The following AVL9 variants were observed in gnomAD, a reference collection of about 807,000 sequenced individuals.
The protein encoded by AVL9 is AVL9 cell migration associated.
A neutral mutation model predicts 79.2 loss-of-function variants in AVL9; 49 were observed. The ratio of observed to expected loss-of-function variants is 0.62; its 90% CI spans 0.49 to 0.79. The LOEUF is 0.79. Ranked by LOEUF, AVL9 falls within the 30% of genes least tolerant of loss-of-function variation. The probability of loss-of-function intolerance (pLI) is 0.00; values close to 1 mark genes in which losing one functional copy is unlikely to be tolerated. For missense variants in AVL9, 682 were observed against 776.8 expected, an observed-to-expected ratio of 0.88 and a Z score of 1.45; for synonymous variants, 299 against 280.6, an observed-to-expected ratio of 1.07 and a Z score of -0.65.
chr7:32,581,488 G>A lies in AVL9; in HGVS notation c.1831+598G>A, dbSNP rs533489628. Reference sequence around the variant, plus strand: ...AATATACAAATTTTTTTAAAGATTCGCATTACCAACACAGTTGCAAAAAGA... The same window carrying A: ...AATATACAAATTTTTTTAAAGATTCACATTACCAACACAGTTGCAAAAAGA... On this transcript the variant is annotated intron_variant, in intron 15 of 15. Coordinates refer to ENST00000318709, the MANE Select transcript of AVL9 (RefSeq NM_015060.3). The A allele has an allele frequency of 1.4e-4, 22 of 152,154 alleles. No individual in the cohort carries two copies. In the South Asian group the frequency reaches 3.5e-3, roughly 24 times the overall value. The allele number at this position is 152,154 out of a possible 1,614,324, so 9.4% of individuals were successfully genotyped here.
chr7:32,539,427 A>C (rs941638241), intron 1 of AVL9, among the ~76,000 whole-genome samples: 1 of 148,366 alleles, frequency 6.7e-6, no homozygotes, highest in African/African-American at 2.5e-5. Flanking sequence ...GTACTGGGAC[A>C]TTTCCATAAG....
chr7:32,568,536 T>C (rs1186920835), intron 10 of AVL9, among the ~76,000 whole-genome samples: 1 of 152,214 alleles, frequency 6.6e-6, no homozygotes, highest in African/African-American at 2.4e-5. Flanking sequence ...CATCACTGTT[T>C]ATGGCTGCAG....
chr7:32,558,186 G>A (rs1052627792), intron 8 of AVL9, among the ~76,000 whole-genome samples: 4 of 148,526 alleles, frequency 2.7e-5, no homozygotes, highest in Admixed American at 2.0e-4. Flanking sequence ...ATGAGACAGA[G>A]TCTCGCTCTC....
In AVL9 at chr7:32,573,335, CG is replaced by C. The variant is rs1256615966; in HGVS notation, c.1490del (p.Gly497AlafsTer27). 4 of 1,613,682 alleles carry C rather than the reference CG, an allele frequency of 2.5e-6. No homozygotes were observed. Among genetic ancestry groups the C allele is most frequent in the Non-Finnish European group, 2.5e-6 (3 of 1,179,970 alleles). The part of the protein sequence containing the change: ...ENRDDVFLDG[T>X]GWEGGDEWIR... ...CGGGATGACGTCTTCCTAGATGGCACGGGCTGGGAGGGAGGTGACGAATGGA... is the reference window on the plus strand; with the variant it reads ...CGGGATGACGTCTTCCTAGATGGCACGGCTGGGAGGGAGGTGACGAATGGA... On this transcript the variant is annotated frameshift_variant, in exon 12 of 16. Coordinates refer to ENST00000318709, the MANE Select transcript of AVL9 (RefSeq NM_015060.3). LOFTEE classifies it high-confidence loss of function.
At chr7:32,542,412 C>T (rs555756175) in intron 1 of AVL9, among the ~76,000 whole-genome samples, 1 of 149,718 alleles carries the variant, frequency 6.7e-6, no homozygotes, top group Admixed American at 6.6e-5. Flanking sequence ...AAAAATTAGC[C>T]GAGCGTGGTG....
intron 1 of AVL9, among the ~76,000 whole-genome samples, chr7:32,521,677 C>A (rs960353525): frequency 1.3e-5 from 2 of 152,334 alleles, no homozygotes; most frequent in African/African-American, 4.8e-5. Context: ...GGGAGAGATT[C>A]AAGCCAGCTG....
chr7:32,549,704 G>A (rs1789712205), intron 4 of AVL9, among the ~76,000 whole-genome samples: 1 of 151,630 alleles, frequency 6.6e-6, no homozygotes, highest in African/African-American at 2.4e-5. Flanking sequence ...CATGAGGTCA[G>A]GAGTTTGAGA....
At chr7:32,497,294 G>T (rs985365491) in intron 1 of AVL9, among the ~76,000 whole-genome samples, 45 of 151,924 alleles carry the variant, frequency 3.0e-4, no homozygotes, top group African/African-American at 9.4e-4. Flanking sequence ...GGCAGAGGTT[G>T]CTGTGAGCCG....
intron 13 of AVL9, among the ~76,000 whole-genome samples, chr7:32,579,300 T>C (rs1433441708): frequency 1.3e-5 from 1 of 74,466 alleles, no homozygotes; most frequent in African/African-American, 6.6e-5. Context: ...ATGTATTATA[T>C]ATATTATATA....
chr7:32,570,361 T>C (rs914740887), intron 11 of AVL9, among the ~76,000 whole-genome samples: 8 of 152,206 alleles, frequency 5.3e-5, no homozygotes, highest in Non-Finnish European at 8.8e-5. Flanking sequence ...ATTTTATACC[T>C]GCAGAGGCTA....
chr7:32,552,864 A>G (rs1315320776), intron 6 of AVL9, among the ~76,000 whole-genome samples: 4 of 152,080 alleles, frequency 2.6e-5, no homozygotes, highest in East Asian at 1.9e-4. Context: ...TTAATTCCCT[A>G]TCATAACAGA....
intron 1 of AVL9, chr7:32,537,025 T>C (rs1379719087): frequency 6.6e-6 from 1 of 152,192 alleles, no homozygotes; most frequent in Non-Finnish European, 1.5e-5. Context: ...TTTCATTACA[T>C]AGGCGTGATT....
At chr7:32,525,872 T>G (rs546530854) in intron 1 of AVL9, among the ~76,000 whole-genome samples, 2 of 152,320 alleles carry the variant, frequency 1.3e-5, no homozygotes, top group South Asian at 4.1e-4. Flanking sequence ...AAAACTGTTT[T>G]TGGGGGGGAA....
chr7:32,495,882 C>T (rs1786778193), intron 1 of AVL9, 80 bp downstream of exon 1: 1 of 949,540 alleles, frequency 1.1e-6, no homozygotes, highest in South Asian at 5.1e-5. Context: ...CTTCTGTGTG[C>T]TCAGCTCGCG....
In AVL9 at chr7:32,495,673, C is replaced by A; in HGVS notation, c.-37C>A. 1 of 1,234,786 alleles carries A rather than the reference C, an allele frequency of 8.1e-7. No individual in the cohort carries two copies. The highest frequency in any genetic ancestry group is 1.0e-6 in the Non-Finnish European group (1 of 973,092). 76.5% of individuals were successfully genotyped at this position (1,234,786 alleles called of 1,614,324 possible). A position where few individuals can be genotyped will look rare whatever the true frequency, so the allele number is the denominator to read the frequency against. On this transcript the variant is annotated 5_prime_UTR_variant, in exon 1 of 16. Coordinates refer to ENST00000318709, the MANE Select transcript of AVL9 (RefSeq NM_015060.3). Reference sequence around the variant, plus strand: ...GGGTCGTCAGACCCGCTGCCCTTGGCGGTCGAAGTCGTCGTGCGGGCCCGC... The same window carrying A: ...GGGTCGTCAGACCCGCTGCCCTTGGAGGTCGAAGTCGTCGTGCGGGCCCGC...
At position 32,573,350 on chromosome 7, in the gene AVL9, G is replaced by C; in HGVS notation, c.1502G>C (p.Gly501Ala). ...CTAGATGGCACGGGCTGGGAGGGAG[G>C]TGACGAATGGATCCGGGCCCAGTTT... is the stretch of plus-strand genomic sequence containing the variant. ...VFLDGTGWEG[G>A]DEWIRAQFAV... Residue 501 changes from glycine to alanine, a missense_variant, in exon 12 of 16, where the codon GGT (glycine) becomes GCT (alanine). Physicochemically the swap from Gly to Ala is moderately conservative, Grantham distance 60. Coordinates refer to ENST00000318709, the MANE Select transcript of AVL9 (RefSeq NM_015060.3). 6.2e-7 allele frequency: 1 copy of C among 1,613,834 alleles called. No homozygotes were observed. Among genetic ancestry groups the C allele is most frequent in the Non-Finnish European group, 8.5e-7 (1 of 1,180,004 alleles).
At chr7:32,503,319 GAT>G (rs371363185) in intron 1 of AVL9, among the ~76,000 whole-genome samples, 4 of 120,692 alleles carry the variant, frequency 3.3e-5, no homozygotes, top group Admixed American at 9.1e-5. Flanking sequence ...TCTACTAAAA[GAT>G]ATATATATAT....
chr7:32,587,285 T>A lies in AVL9; in HGVS notation c.*3378T>A, dbSNP rs1320759589. Reference sequence around the variant, plus strand: ...GCAGTATTTCATGTGCTAAGGGTTATAAGAATTCTTTTAGAAAGGGATTAG... The same window carrying A: ...GCAGTATTTCATGTGCTAAGGGTTAAAAGAATTCTTTTAGAAAGGGATTAG... On this transcript the variant is annotated 3_prime_UTR_variant, in exon 16 of 16. Coordinates refer to ENST00000318709, the MANE Select transcript of AVL9 (RefSeq NM_015060.3). 2.0e-5 allele frequency: 3 copies of A among 152,246 alleles called. No individual in the cohort carries two copies. In the East Asian group the frequency reaches 5.8e-4, roughly 29 times the overall value. The allele number at this position is 152,246 out of a possible 1,614,324, so 9.4% of individuals were successfully genotyped here.
intron 10 of AVL9, among the ~76,000 whole-genome samples, chr7:32,562,903 T>C (rs185841786): frequency 7.4e-4 from 113 of 152,272 alleles, no homozygotes; most frequent in African/African-American, 2.6e-3. Context: ...GCCTGAGCTT[T>C]ACAGTTTAGA....
Sources: allele counts gnomAD v4.1 joint callset (sites outside exome capture counted in the v4.1 genomes callset), GRCh38; gene constraint gnomAD v4.1.1; transcripts MANE v1.5; gene names NCBI Gene and HGNC (gene_info 2026-07-23, HGNC 2026-07-21).